Variants in OR4A15 observed in about 807,000 individuals in gnomAD.
The protein encoded by OR4A15 is olfactory receptor family 4 subfamily A member 15, also known as olfactory receptor 4A15.
For missense variants in OR4A15, 657 were observed against 374.7 expected (o/e 1.75, Z -6.22); for synonymous variants, 240 against 135.6 (o/e 1.77, Z -5.35).
At chr11:55,368,435 A>G (rs1268162854) in exon 1 of OR4A15, 4 of 1,611,888 alleles carry the variant, frequency 2.5e-6, no homozygotes, top group South Asian at 2.2e-5. Flanking sequence ...TTCTTCACTC[A>G]TTGGTTCAAT....
chr11:55,368,634 C>T (rs566476450), exon 1 of OR4A15: 17 of 1,613,754 alleles, frequency 1.1e-5, no homozygotes, highest in Non-Finnish European at 1.4e-5. Context: ...GGTCATATTA[C>T]ACTCTCTTAA....
chr11:55,368,602 T>C, exon 1 of OR4A15: 1 of 1,613,748 alleles, frequency 6.2e-7, no homozygotes, highest in South Asian at 1.1e-5. Context: ...GTCACCTTCT[T>C]CACTATCCTG....
rs1460444475 is a variant in OR4A15 at position 55,368,097 on chromosome 11, C to T, written c.124C>T (p.Leu42Phe). 2.5e-6 allele frequency: 4 copies of T among 1,612,934 alleles called. No individual in the cohort carries two copies. Among genetic ancestry groups the T allele is most frequent in the Non-Finnish European group, 3.4e-6 (4 of 1,179,830 alleles). Residue 42 changes from leucine to phenylalanine, a missense_variant, in exon 1 of 1, where the codon CTT (leucine) becomes TTT (phenylalanine). By Grantham distance (22) the Leu-to-Phe change is conservative. Coordinates refer to ENST00000641526, the Ensembl canonical transcript of OR4A15. ...CATGGTGACGATAATGGGCAACCTG[C>T]TTATCATAGTGACCATCATGGCCAG...
At chr11:55,368,069 C>G (rs773891032) in exon 1 of OR4A15, 1 of 1,613,482 alleles carries the variant, frequency 6.2e-7, no homozygotes, top group Non-Finnish European at 8.5e-7. Context: ...TCTTACTAAT[C>G]TACATGGTGA....
exon 1 of OR4A15, chr11:55,368,205 A>G: frequency 5.0e-6 from 8 of 1,613,672 alleles, no homozygotes; most frequent in South Asian, 2.2e-5. Context: ...ATTTGCTCCC[A>G]AAATGATTGT....
Position 55,368,288 on chromosome 11 carries a change from T to C in OR4A15, c.315T>C (p.Phe105=), listed in dbSNP as rs761451989. 3.2e-5 allele frequency: 51 copies of C among 1,613,940 alleles called. No homozygotes were observed. The South Asian group carries it at 5.5e-4, about 17-fold the overall frequency. ...CTCAACTTTTTATGGATCATTTATT[T>C]GCTGGTGCTGAAGTCATTCTTCTGG... Residue 105 remains phenylalanine, a synonymous_variant, in exon 1 of 1, where the codon TTT becomes TTC. Coordinates refer to ENST00000641526, the Ensembl canonical transcript of OR4A15.
rs1019437966 is a variant in OR4A15, at chr11:55,368,334, T to C, written c.361T>C (p.Tyr121His). The change falls in exon 1 of 1, where the codon TAC (tyrosine) becomes CAC (histidine). Residue 121 changes from tyrosine to histidine, a missense_variant. Tyr to His is a moderately conservative substitution (Grantham distance 83, BLOSUM62 2). Transcript: ENST00000641526. Reference sequence around the variant, plus strand: ...TCTGGTGGTAATGGCCTATGATCGATACATGGCCATCTGTAAGCCTCTTCA... The same window carrying C: ...TCTGGTGGTAATGGCCTATGATCGACACATGGCCATCTGTAAGCCTCTTCA... The C allele has an allele frequency of 6.2e-7, 1 of 1,613,028 alleles. No homozygotes were observed. The highest frequency in any genetic ancestry group is 1.3e-5 in the African/African-American group (1 of 74,874).
chr11:55,368,166 T>A lies in OR4A15; in HGVS notation c.193T>A (p.Ser65Thr), dbSNP rs200212953. ...CATGTACTTTTTTCTGGCTTCTTTA[T>A]CATTCATAGATACCGTCTATTCTAC... Residue 65 changes from serine to threonine, a missense_variant, in exon 1 of 1, where the codon TCA (serine) becomes ACA (threonine). Transcript: ENST00000641526. The A allele has an allele frequency of 2.5e-5, 40 of 1,613,086 alleles. No homozygotes were observed. Among genetic ancestry groups the A allele is most frequent in the Admixed American group, 8.3e-5 (5 of 59,936 alleles).
exon 1 of OR4A15, chr11:55,368,807 C>A (rs765105268): frequency 1.2e-6 from 2 of 1,613,082 alleles, no homozygotes; most frequent in Non-Finnish European, 8.5e-7. Flanking sequence ...TTATAACTCC[C>A]ATGCTGAACC....
At chr11:55,368,195 A>G (rs1853878026) in exon 1 of OR4A15, 5 of 1,613,394 alleles carry the variant, frequency 3.1e-6, no homozygotes, top group Middle Eastern at 1.7e-4. Flanking sequence ...ATTCTACTGC[A>G]TTTGCTCCCA....
exon 1 of OR4A15, chr11:55,368,868 C>G: frequency 6.2e-7 from 1 of 1,609,488 alleles, no homozygotes; most frequent in East Asian, 2.2e-5. Context: ...CATGAGGAAA[C>G]TTTGGAGTAA....
chr11:55,368,612 G>C, exon 1 of OR4A15: 1 of 1,613,630 alleles, frequency 6.2e-7, no homozygotes, highest in Non-Finnish European at 8.5e-7. Context: ...TCACTATCCT[G>C]CTTTCCTATG....
At chr11:55,368,211 A>G in exon 1 of OR4A15, 1 of 1,613,650 alleles carries the variant, frequency 6.2e-7, no homozygotes, top group Non-Finnish European at 8.5e-7. Context: ...TCCCAAAATG[A>G]TTGTTGACTT....
chr11:55,368,474 T>C (rs753496238), exon 1 of OR4A15: 1 of 1,610,892 alleles, frequency 6.2e-7, no homozygotes. Context: ...TCCCTTTCTG[T>C]GGACCCAATG....
exon 1 of OR4A15, chr11:55,368,582 G>A (rs141225150): frequency 2.1e-4 from 343 of 1,613,522 alleles, no homozygotes; most frequent in Non-Finnish European, 2.7e-4. Flanking sequence ...ATGGAGGAGC[G>A]ATTTGTGCTG....
chr11:55,368,510 G>A (rs376137646), exon 1 of OR4A15: 2 of 1,612,668 alleles, frequency 1.2e-6, no homozygotes, highest in Non-Finnish European at 1.7e-6. Flanking sequence ...TGTGTGATTT[G>A]TATCCCTTAT....
chr11:55,368,010 T>C (rs1853872329), exon 1 of OR4A15: 1 of 1,613,500 alleles, frequency 6.2e-7, no homozygotes, highest in Non-Finnish European at 8.5e-7. Context: ...ATTTATCCTC[T>C]TAGGGCTCAC....
rs748895691 is a variant in OR4A15 at position 55,368,625 on chromosome 11, G to A, written c.652G>A (p.Val218Ile). 6 of 1,613,576 alleles carry A rather than the reference G, an allele frequency of 3.7e-6. No homozygotes were observed. The South Asian group carries it at 5.5e-5, about 15-fold the overall frequency. Residue 218 changes from valine to isoleucine, a missense_variant, in exon 1 of 1, where the codon GTC becomes ATC. Coordinates refer to ENST00000641526, the Ensembl canonical transcript of OR4A15. The stretch of plus-strand genomic sequence containing the variant: ...CTTCACTATCCTGCTTTCCTATGGG[G>A]TCATATTACACTCTCTTAAGACTCA...
At chr11:55,368,614 T>C (rs781207522) in exon 1 of OR4A15, 2 of 1,613,766 alleles carry the variant, frequency 1.2e-6, no homozygotes, top group South Asian at 1.1e-5. Flanking sequence ...ACTATCCTGC[T>C]TTCCTATGGG....
Sources: allele counts gnomAD v4.1 joint callset, GRCh38; gene constraint gnomAD v4.1.1; transcripts MANE v1.5; gene names NCBI Gene and HGNC (gene_info 2026-07-23, HGNC 2026-07-21).